The following DRC11L variants were observed in gnomAD, a reference collection of about 807,000 sequenced individuals.
DRC11L encodes dynein regulatory complex subunit like-11.
At chr7:151,195,492 G>C in the DRC11L span, 1 of 399,418 alleles carries the variant, frequency 2.5e-6, no homozygotes, top group Admixed American at 4.4e-5. Context: ...TTTTCTGGTT[G>C]GAAACGAGTG....
the DRC11L span, among the ~76,000 whole-genome samples, chr7:151,194,830 G>A: frequency 1.3e-5 from 2 of 152,254 alleles, no homozygotes; most frequent in African/African-American, 4.8e-5. Flanking sequence ...TGGGTGCTCT[G>A]TAAGAGGGGT....
the DRC11L span, chr7:151,203,628 A>G: frequency 7.6e-6 from 3 of 395,160 alleles, no homozygotes; most frequent in Non-Finnish European, 1.3e-5. Flanking sequence ...CCTCCATTTT[A>G]GAGTCCTGAC....
chr7:151,196,492 G>A, the DRC11L span: 43 of 399,532 alleles, frequency 1.1e-4, no homozygotes, highest in Middle Eastern at 1.9e-3. Flanking sequence ...TTCTCCTCCC[G>A]GAGGGTCTCG....
chr7:151,196,183 C>A, the DRC11L span, among the ~76,000 whole-genome samples: 59 of 152,192 alleles, frequency 3.9e-4, no homozygotes, highest in Non-Finnish European at 2.6e-4. Flanking sequence ...ACCCTCCACA[C>A]CCCTGCTGCA....
the DRC11L span, chr7:151,191,821 G>A: frequency 5.0e-6 from 2 of 399,146 alleles, no homozygotes; most frequent in Non-Finnish European, 8.8e-6. Flanking sequence ...GGGCACTGAT[G>A]TCCAGGTGCT....
At chr7:151,199,041 G>A in the DRC11L span, 6 of 398,792 alleles carry the variant, frequency 1.5e-5, no homozygotes, top group African/African-American at 8.2e-5. The surrounding 1 kb of genome is among the most constrained non-coding windows in gnomAD (Gnocchi z 5.2). Context: ...GCTCAGGAGT[G>A]GGAGGAACCA....
the DRC11L span, chr7:151,190,932 C>G: frequency 5.0e-6 from 2 of 399,582 alleles, no homozygotes; most frequent in South Asian, 1.3e-4. Flanking sequence ...CCTTGGGCCA[C>G]TGCCCTGTCC....
At chr7:151,192,718 G>T in the DRC11L span, 1 of 399,216 alleles carries the variant, frequency 2.5e-6, no homozygotes, top group Non-Finnish European at 4.4e-6. Flanking sequence ...CTGCCCACAC[G>T]GCCTTCACAT....
At chr7:151,203,324 CCT>C in the DRC11L span, 2 of 399,024 alleles carry the variant, frequency 5.0e-6, no homozygotes, top group African/African-American at 4.1e-5. Flanking sequence ...CAGGGAGGGG[CCT>C]CTCTGCATTC....
chr7:151,205,369 G>A, the DRC11L span: 2 of 399,168 alleles, frequency 5.0e-6, no homozygotes, highest in Middle Eastern at 6.3e-4. Context: ...CTCTGCCCCT[G>A]CCTCTCAGGA....
chr7:151,200,362 T>C, the DRC11L span: 2 of 399,002 alleles, frequency 5.0e-6, no homozygotes, highest in Non-Finnish European at 8.8e-6. Flanking sequence ...GGACCCACCA[T>C]GGTGGGCAGG....
the DRC11L span, chr7:151,198,692 G>A: frequency 8.8e-5 from 35 of 397,782 alleles, no homozygotes; most frequent in Non-Finnish European, 1.3e-4. Flanking sequence ...GGCCCCATCT[G>A]GACTAGAAGG....
the DRC11L span, chr7:151,192,531 C>G: frequency 1.3e-5 from 5 of 398,380 alleles, no homozygotes; most frequent in African/African-American, 2.1e-5. Flanking sequence ...GTTCTCAGAG[C>G]CCACCCCACC....
At chr7:151,200,037 G>T in the DRC11L span, among the ~76,000 whole-genome samples, 1 of 152,214 alleles carries the variant, frequency 6.6e-6, no homozygotes, top group African/African-American at 2.4e-5. Flanking sequence ...GGGCAGTGTG[G>T]GTGCTCCTGC....
the DRC11L span, among the ~76,000 whole-genome samples, chr7:151,204,121 G>C: frequency 6.6e-6 from 1 of 152,180 alleles, no homozygotes; most frequent in African/African-American, 2.4e-5. Flanking sequence ...ACCACACTTT[G>C]AGGAGGCTCT....
the DRC11L span, chr7:151,196,610 C>T: frequency 1.5e-5 from 6 of 399,398 alleles, no homozygotes; most frequent in Admixed American, 2.6e-4. Context: ...TGCATACACA[C>T]ATGCATTCAT....
At chr7:151,202,849 C>T in the DRC11L span, 3 of 399,364 alleles carry the variant, frequency 7.5e-6, no homozygotes, top group Non-Finnish European at 1.3e-5. Context: ...ATTACTGAGC[C>T]CAGCAGGCTT....
At chr7:151,204,363 G>T in the DRC11L span, 1 of 397,358 alleles carries the variant, frequency 2.5e-6, no homozygotes, top group Non-Finnish European at 4.4e-6. Context: ...GGGTAGGCAG[G>T]GGTGGTCGGC....
chr7:151,201,332 G>A, the DRC11L span, among the ~76,000 whole-genome samples: 8 of 152,186 alleles, frequency 5.3e-5, no homozygotes, highest in African/African-American at 1.7e-4. This position sits in a 1 kb window ranked among gnomAD's most constrained non-coding sequence, Gnocchi z 4.1. Context: ...TCTAAGACCA[G>A]CACGCAATAT....
Sources: allele counts gnomAD v4.1 joint callset (sites outside exome capture counted in the v4.1 genomes callset), GRCh38; gene constraint gnomAD v4.1.1; non-coding constraint Gnocchi (gnomAD v3.1); transcripts MANE v1.5; gene names NCBI Gene and HGNC (gene_info 2026-07-23, HGNC 2026-07-21).